KLHL40: variants seen among roughly 807,000 people sequenced by gnomAD.
The protein encoded by KLHL40 is kelch like family member 40, also known as kelch-like protein 40.
A neutral mutation model predicts 49.7 loss-of-function variants in KLHL40; 44 were observed. The observed-to-expected ratio is 0.89, with a 90% CI of 0.70 to 1.14. The LOEUF (loss-of-function observed/expected upper bound fraction) is 1.14, where lower values mean the gene tolerates loss of function less well. Ranked by LOEUF, KLHL40 falls within the 50% of genes most tolerant of loss-of-function variation. KLHL40 has a pLI of 0.00. For synonymous variants in KLHL40, 409 were observed against 365.2 expected (o/e 1.12, Z -1.37); for missense variants, 892 against 850.3 (o/e 1.05, Z -0.61).
In KLHL40 at chr3:42,686,041, C is replaced by T. The variant is rs757232863; in HGVS notation, c.423C>T (p.Leu141=). The change falls in exon 1 of 6, where the codon CTC becomes CTT. Residue 141 remains leucine, a synonymous_variant. Transcript: ENST00000287777. ...SNCLAVFRLG[L]LLDCARLAVA... ...GCTTGGCCGTCTTCCGTCTCGGCCT[C>T]CTGCTCGACTGCGCGCGTCTCGCCG... The T allele has an allele frequency of 8.7e-6, 14 of 1,608,204 alleles. No homozygotes were observed. Among genetic ancestry groups the T allele is most frequent in the Non-Finnish European group, 1.1e-5 (13 of 1,179,932 alleles).
At chr3:42,689,184 T>A in intron 4 of KLHL40, 130 bp downstream of exon 4, 1 of 788,752 alleles carries the variant, frequency 1.3e-6, no homozygotes, top group Non-Finnish European at 2.0e-6. Context: ...AAATAGGCTT[T>A]CTCTCCTGAT....
Position 42,691,916 on chromosome 3 carries a change from C to G in KLHL40, c.1789C>G (p.Leu597Val). Residue 597 changes from leucine to valine, a missense_variant, in exon 6 of 6, where the codon CTG becomes GTG. Transcript: ENST00000287777. The part of the protein sequence containing the change: ...NEEEKKWEGV[L>V]REIAYAAGAT... ...GGAGGAGAAGAAATGGGAGGGTGTC[C>G]TGCGGGAGATCGCCTATGCAGCAGG... The G allele has an allele frequency of 6.2e-7, 1 of 1,613,610 alleles. No individual in the cohort carries two copies. The highest frequency in any genetic ancestry group is 1.3e-5 in the African/African-American group (1 of 75,032).
intron 1 of KLHL40, among the ~76,000 whole-genome samples, chr3:42,687,506 C>A (rs1253193012): frequency 6.6e-6 from 1 of 152,102 alleles, no homozygotes; most frequent in Admixed American, 6.5e-5. Context: ...ATGAGGGCAG[C>A]TTCACCAGCT....
intron 5 of KLHL40, 48 bp downstream of exon 5, chr3:42,691,053 C>A: frequency 6.5e-7 from 1 of 1,536,496 alleles, no homozygotes; most frequent in South Asian, 1.3e-5. Flanking sequence ...GCAAGGCTGA[C>A]ACCCCATAGC....
chr3:42,687,964 G>A (rs570570346), intron 1 of KLHL40, among the ~76,000 whole-genome samples, 178 bp from the exon 2 acceptor site: 1 of 152,080 alleles, frequency 6.6e-6, no homozygotes, highest in Non-Finnish European at 1.5e-5. Context: ...TGTGGGGGAC[G>A]CTCATCTGCT....
intron 5 of KLHL40, 67 bp downstream of exon 5, chr3:42,691,072 G>A (rs373987652): frequency 2.7e-6 from 4 of 1,495,358 alleles, no homozygotes; most frequent in African/African-American, 2.8e-5. Context: ...GCACCATGGT[G>A]GGGTACCAAG....
Position 42,688,182 on chromosome 3 carries a change from T to G in KLHL40, c.1193T>G (p.Leu398Arg), listed in dbSNP as rs1355902597. The change falls in exon 2 of 6, where the codon CTG (leucine) becomes CGG (arginine). Residue 398 changes from leucine to arginine, a missense_variant. By Grantham distance (102) the Leu-to-Arg change is moderately radical (BLOSUM62 -2). Transcript: ENST00000287777. The surrounding 1 kb of genome is among the most constrained non-coding windows in gnomAD (Gnocchi z 4.2). ...LDSEWLGMPP[L>R]PSPRCLFGLG... ...TCAGAGTGGCTGGGGATGCCACCGCTGCCCTCGCCCCGCTGCCTCTTTGGC... is the reference window on the plus strand; with the variant it reads ...TCAGAGTGGCTGGGGATGCCACCGCGGCCCTCGCCCCGCTGCCTCTTTGGC... 1.9e-6 allele frequency: 3 copies of G among 1,613,668 alleles called. No individual in the cohort carries two copies. Among genetic ancestry groups the G allele is most frequent in the African/African-American group, 1.3e-5 (1 of 74,898 alleles).
In KLHL40 at chr3:42,686,446, T is replaced by C. The variant is rs1028562357; in HGVS notation, c.828T>C (p.Asp276=). ...TTLRKKKKGK[D]GAGAKEADKG... ...TGCGGAAGAAAAAGAAGGGGAAGGA[T>C]GGAGCCGGGGCCAAGGAGGCTGATA... Residue 276 remains aspartate (D), a synonymous_variant, in exon 1 of 6, where the codon GAT becomes GAC. Transcript: ENST00000287777. The C allele has an allele frequency of 1.9e-6, 3 of 1,613,728 alleles. No individual in the cohort carries two copies. Among genetic ancestry groups the C allele is most frequent in the South Asian group, 1.1e-5 (1 of 91,086 alleles).
chr3:42,690,785 G>T, intron 4 of KLHL40, 74 bp from the exon 5 acceptor site: 1 of 1,486,900 alleles, frequency 6.7e-7, no homozygotes, highest in South Asian at 1.3e-5. Context: ...TTGGAGCTGT[G>T]GGTGCTGGGT....
Position 42,691,952 on chromosome 3 carries a change from C to T in KLHL40, c.1825C>T (p.Leu609=), listed in dbSNP as rs200908056. 363 of 1,613,596 alleles carry T rather than the reference C, an allele frequency of 2.2e-4. 3 individuals are homozygous for T. In the South Asian group the frequency reaches 3.7e-3, roughly 16 times the overall value. Residue 609 remains leucine, a synonymous_variant, in exon 6 of 6, where the codon CTA becomes TTA. Transcript: ENST00000287777. ...CGCCTATGCAGCAGGTGCCACCTTC[C>T]TACCAGTGCGGCTCAATGTGCTGTG... is the stretch of plus-strand genomic sequence containing the variant. The part of the protein sequence containing the change: ...EIAYAAGATF[L]PVRLNVLCLT...
In KLHL40 at chr3:42,685,624, G is replaced by A; in HGVS notation, c.6G>A (p.Ala2=). M[A]LGLEQAEEQR... is the part of the protein sequence containing the mutation. ...CGCACCCTAGGCCACCCACCATGGC[G>A]CTGGGCTTGGAGCAGGCGGAGGAGC... The change falls in exon 1 of 6, where the codon GCG becomes GCA. Residue 2 remains alanine, a synonymous_variant. Transcript: ENST00000287777. The A allele has an allele frequency of 6.3e-7, 1 of 1,592,968 alleles. No individual in the cohort carries two copies.
In KLHL40 at chr3:42,692,501, G is replaced by T. The variant is rs956755498; in HGVS notation, c.*508G>T. On this transcript the variant is annotated 3_prime_UTR_variant, in exon 6 of 6. Transcript: ENST00000287777. ...AGACTTGGGGCTTCAGTGTTCTGCT[G>T]TTGGGCTGCCAAGGTCGATGGTCTC... is the stretch of plus-strand genomic sequence containing the variant. The T allele has an allele frequency of 5.1e-6, 3 of 583,438 alleles. No individual in the cohort carries two copies. The highest frequency in any genetic ancestry group is 3.7e-5 in the African/African-American group (2 of 53,468). The allele number at this position is 583,438 out of a possible 1,614,324, so 36.1% of individuals were successfully genotyped here.
intron 4 of KLHL40, among the ~76,000 whole-genome samples, chr3:42,689,527 G>A: frequency 6.6e-6 from 1 of 152,134 alleles, no homozygotes; most frequent in East Asian, 1.9e-4. Context: ...GCTCCAGCTG[G>A]GTGGAGGTGG....
chr3:42,688,654 A>G lies in KLHL40; in HGVS notation c.1358A>G (p.Tyr453Cys). ...GESDPLPYVV[Y>C]GHTVLSHMDL... The stretch of plus-strand genomic sequence containing the variant: ...TCGGACCCGCTGCCTTACGTGGTGT[A>G]TGGCCACACAGTGCTCTCCCACATG... The change falls in exon 3 of 6, where the codon TAT becomes TGT. Residue 453 changes from tyrosine (Y) to cysteine (C), a missense_variant. Tyr to Cys is a radical substitution (Grantham distance 194, BLOSUM62 -2). Transcript: ENST00000287777. This position sits in a 1 kb window ranked among gnomAD's most constrained non-coding sequence, Gnocchi z 4.2. The G allele has an allele frequency of 6.2e-7, 1 of 1,613,980 alleles. No homozygotes were observed. Among genetic ancestry groups the G allele is most frequent in the African/African-American group, 1.3e-5 (1 of 74,998 alleles).
At chr3:42,689,214 C>T (rs111573945) in intron 4 of KLHL40, among the ~76,000 whole-genome samples, 160 bp downstream of exon 4, 34 of 152,040 alleles carry the variant, frequency 2.2e-4, no homozygotes, top group African/African-American at 7.7e-4. Context: ...GGTGGGGAGG[C>T]GGGGCAAGGG....
At chr3:42,691,071 TGGG>T in intron 5 of KLHL40, 66 bp downstream of exon 5, 2 of 1,506,444 alleles carry the variant, frequency 1.3e-6, no homozygotes, top group South Asian at 2.6e-5. Flanking sequence ...AGCACCATGG[TGGG>T]GTACCAAGGC....
chr3:42,687,899 G>A (rs1480912657), intron 1 of KLHL40, among the ~76,000 whole-genome samples: 1 of 152,146 alleles, frequency 6.6e-6, no homozygotes, highest in Non-Finnish European at 1.5e-5. Flanking sequence ...CCTCATTTCT[G>A]TGCTGTGGTG....
At chr3:42,691,779 A>G in intron 5 of KLHL40, 103 bp from the exon 6 acceptor site, 1 of 747,160 alleles carries the variant, frequency 1.3e-6, no homozygotes, top group East Asian at 2.5e-5. Flanking sequence ...AGATCTCCCT[A>G]GAGATGGGCC....
At position 42,688,748 on chromosome 3, in the gene KLHL40, G is replaced by A. The variant is rs1697315440; in HGVS notation, c.1421+31G>A. ...GCTGGGCCTGGAGTGAGTCTGTGGA[G>A]CAGAGGTAGAATCTCCCAGAGGCTG... On this transcript the variant is annotated intron_variant, in intron 3 of 5. Coordinates refer to ENST00000287777, the MANE Select transcript of KLHL40 (RefSeq NM_152393.4). This position sits in a 1 kb window ranked among gnomAD's most constrained non-coding sequence, Gnocchi z 4.2. The A allele has an allele frequency of 2.5e-6, 4 of 1,595,700 alleles. No homozygotes were observed. The highest frequency in any genetic ancestry group is 3.4e-6 in the Non-Finnish European group (4 of 1,163,380).
Sources: allele counts gnomAD v4.1 joint callset (sites outside exome capture counted in the v4.1 genomes callset), GRCh38; gene constraint gnomAD v4.1.1; non-coding constraint Gnocchi (gnomAD v3.1); transcripts MANE v1.5; gene names NCBI Gene and HGNC (gene_info 2026-07-23, HGNC 2026-07-21).